DPP10: variants seen among roughly 807,000 people sequenced by gnomAD.
DPP10 encodes dipeptidyl peptidase like 10, also known as inactive dipeptidyl peptidase 10.
In DPP10, 33 loss-of-function variants were observed where a neutral mutation model predicts 120.9. That is an observed-to-expected ratio of 0.27 (90% confidence interval 0.21 to 0.37). The LOEUF (loss-of-function observed/expected upper bound fraction) is 0.37, where lower values mean the gene tolerates loss of function less well. Ranked by LOEUF, DPP10 falls within the 10% of genes least tolerant of loss-of-function variation. DPP10 has a pLI of 1.00. For synonymous variants in DPP10, 337 were observed against 326.1 expected, an observed-to-expected ratio of 1.03 and a Z score of -0.36; for missense variants, 816 against 942.8, an observed-to-expected ratio of 0.87 and a Z score of 1.76.
At chr2:114,657,271 C>T (rs2105521442) in intron 1 of DPP10, among the ~76,000 whole-genome samples, 1 of 152,220 alleles carries the variant, frequency 6.6e-6, no homozygotes, top group East Asian at 1.9e-4. Context: ...CATCATCAGA[C>T]AGTTAAAAAG....
intron 5 of DPP10, among the ~76,000 whole-genome samples, chr2:115,622,044 A>C (rs72947954): frequency 0.19 from 29,177 of 152,076 alleles, 3,543 homozygotes; most frequent in African/African-American, 0.33. Flanking sequence ...ACTCATTTGA[A>C]GTATAAAATT....
chr2:115,289,633 A>G (rs1474110716), intron 1 of DPP10, among the ~76,000 whole-genome samples: 2 of 152,142 alleles, frequency 1.3e-5, no homozygotes, highest in Non-Finnish European at 2.9e-5. Context: ...ATAGCATAGT[A>G]CTGGTATAAA....
chr2:114,936,612 T>C (rs945422896), intron 1 of DPP10, among the ~76,000 whole-genome samples: 2 of 152,100 alleles, frequency 1.3e-5, no homozygotes, highest in Non-Finnish European at 2.9e-5. Flanking sequence ...AACTTTGACA[T>C]GGGATTGCTG....
At chr2:114,594,408 A>T (rs1469965907) in intron 1 of DPP10, among the ~76,000 whole-genome samples, 11 of 149,084 alleles carry the variant, frequency 7.4e-5, no homozygotes, top group Non-Finnish European at 1.5e-5. Flanking sequence ...TCCCTTTTAC[A>T]TATATGTGAA....
At chr2:115,814,652 C>A (rs1248094022) in intron 19 of DPP10, 141 bp from the exon 20 acceptor site, 1 of 566,312 alleles carries the variant, frequency 1.8e-6, no homozygotes, top group East Asian at 3.4e-5. Context: ...ATTTTACCTT[C>A]AGGTTTATTA....
At chr2:114,649,505 T>C (rs931634204) in intron 1 of DPP10, among the ~76,000 whole-genome samples, 1 of 151,920 alleles carries the variant, frequency 6.6e-6, no homozygotes, top group Non-Finnish European at 1.5e-5. Context: ...CCCGCCACCA[T>C]GCCCGGCTAA....
rs1353563092 is a variant in DPP10 at position 115,780,979 on chromosome 2, C to T, written c.1467C>T (p.Phe489=). The part of the protein sequence containing the change: ...DASFSPMNQH[F]LLFCEGPRVP... ...GTTTTAGTCCCATGAATCAACATTT[C>T]TTATTATTCTGTGAAGGTAAGATAA... Residue 489 remains phenylalanine (F), a synonymous_variant, in exon 16 of 26, where the codon TTC becomes TTT. Transcript: ENST00000410059. The T allele has an allele frequency of 1.9e-6, 3 of 1,585,426 alleles. No individual in the cohort carries two copies. The highest frequency in any genetic ancestry group is 1.7e-6 in the Non-Finnish European group (2 of 1,160,200).
chr2:115,296,397 C>A (rs1184988434), intron 1 of DPP10, among the ~76,000 whole-genome samples: 2 of 152,048 alleles, frequency 1.3e-5, no homozygotes, highest in East Asian at 1.9e-4. Flanking sequence ...ATTTTCTTAA[C>A]CTATGTTTGG....
chr2:115,719,476 G>T (rs1016757435), intron 7 of DPP10, among the ~76,000 whole-genome samples: 5 of 152,082 alleles, frequency 3.3e-5, no homozygotes, highest in Admixed American at 6.6e-5. Flanking sequence ...CTCAGAGATG[G>T]TCCCATAGAG....
At chr2:114,983,567 C>T (rs939563872) in intron 1 of DPP10, among the ~76,000 whole-genome samples, 1 of 151,976 alleles carries the variant, frequency 6.6e-6, no homozygotes, top group East Asian at 1.9e-4. Context: ...ATTGCATTCC[C>T]CTAAGGTCAT....
chr2:114,943,045 C>G (rs1697078579), intron 1 of DPP10, among the ~76,000 whole-genome samples: 1 of 152,120 alleles, frequency 6.6e-6, no homozygotes. Context: ...GCTATCCCTC[C>G]TCTAGCCCTC....
At chr2:114,944,302 A>AT (rs1409218209) in intron 1 of DPP10, among the ~76,000 whole-genome samples, 3 of 152,156 alleles carry the variant, frequency 2.0e-5, no homozygotes, top group Non-Finnish European at 4.4e-5. Context: ...GTGTATATAG[A>AT]TTCCAAATCC....
In DPP10 at chr2:115,466,335, G is replaced by A. The variant is rs145320979; in HGVS notation, c.272-33175G>A. On this transcript the variant is annotated intron_variant, in intron 3 of 25. Transcript: ENST00000410059. ...AATTTGGAGCATCATGTAACATTTTGTAGAGCTACTATTCCTCAGAACACA... is the reference window on the plus strand; with the variant it reads ...AATTTGGAGCATCATGTAACATTTTATAGAGCTACTATTCCTCAGAACACA... 1.7e-4 allele frequency among the ~76,000 whole-genome samples: 26 copies of A among 152,234 alleles called. 2 individuals are homozygous for A. The East Asian group carries it at 3.9e-3, about 23-fold the overall frequency.
intron 5 of DPP10, among the ~76,000 whole-genome samples, chr2:115,586,022 T>A (rs1275528180): frequency 1.3e-5 from 2 of 152,154 alleles, no homozygotes; most frequent in African/African-American, 4.8e-5. Flanking sequence ...AGTCATTTGT[T>A]CTTAAAAATA....
At chr2:114,452,606 C>G (rs141243522) in intron 1 of DPP10, among the ~76,000 whole-genome samples, 79 of 152,196 alleles carry the variant, frequency 5.2e-4, no homozygotes, top group African/African-American at 1.8e-3. Flanking sequence ...CTTTTGAGAT[C>G]TGGGGTAAGT....
chr2:114,581,416 C>T (rs1690516315), intron 1 of DPP10, among the ~76,000 whole-genome samples: 2 of 152,040 alleles, frequency 1.3e-5, no homozygotes, highest in Non-Finnish European at 1.5e-5. Flanking sequence ...ACCTCCTGAC[C>T]TGGTGATCAG....
intron 3 of DPP10, among the ~76,000 whole-genome samples, chr2:115,474,887 C>T (rs921336455): frequency 6.6e-6 from 1 of 152,146 alleles, no homozygotes; most frequent in African/African-American, 2.4e-5. Context: ...ATAATAGGCT[C>T]AGAGGCCTAG....
chr2:114,540,009 A>G (rs1686829844), intron 1 of DPP10, among the ~76,000 whole-genome samples: 1 of 152,140 alleles, frequency 6.6e-6, no homozygotes, highest in Non-Finnish European at 1.5e-5. Flanking sequence ...TCAGCATACA[A>G]CATATTATTA....
intron 1 of DPP10, among the ~76,000 whole-genome samples, chr2:114,647,988 A>G (rs1696267650): frequency 6.6e-6 from 1 of 152,146 alleles, no homozygotes; most frequent in Non-Finnish European, 1.5e-5. Context: ...TGTTTAACAA[A>G]CATCCTTCAA....
Sources: allele counts gnomAD v4.1 joint callset (sites outside exome capture counted in the v4.1 genomes callset), GRCh38; gene constraint gnomAD v4.1.1; transcripts MANE v1.5; gene names NCBI Gene and HGNC (gene_info 2026-07-23, HGNC 2026-07-21).